TNFSF4: variants seen among roughly 807,000 people sequenced by gnomAD.
TNFSF4 encodes the protein tumor necrosis factor ligand superfamily member 4.
In TNFSF4, 4 loss-of-function variants were observed where a neutral mutation model predicts 7.3. The ratio of observed to expected loss-of-function variants is 0.55; its 90% CI spans 0.27 to 1.25. The LOEUF is 1.25. Among genes scored for constraint, TNFSF4 ranks in the 50% most tolerant of loss-of-function variants. TNFSF4 has a pLI of 0.12. For missense variants in TNFSF4, 181 were observed against 208.8 expected (o/e 0.87, Z 0.82); for synonymous variants, 76 against 83.7 (o/e 0.91, Z 0.50).
chr1:173,370,261 G>C, the TNFSF4 span, among the ~76,000 whole-genome samples: 3 of 152,316 alleles, frequency 2.0e-5, no homozygotes, highest in African/African-American at 2.4e-5. Flanking sequence ...TTAATGAAAA[G>C]AATGCGGCTT....
the TNFSF4 span, among the ~76,000 whole-genome samples, chr1:173,274,728 A>C: frequency 6.6e-6 from 1 of 152,152 alleles, no homozygotes; most frequent in African/African-American, 2.4e-5. Flanking sequence ...TTAATACAGT[A>C]AGAATTCACT....
Position 173,185,621 on chromosome 1 carries a change from T to G in TNFSF4, c.*895A>C, listed in dbSNP as rs1557876744. ...AGGCAGGAGGATGAGCATGTGTTGC[T>G]TTGCCTGTCTGTGGCAAAGAATGTG... On this transcript the variant is annotated 3_prime_UTR_variant, in exon 3 of 3. Coordinates refer to ENST00000281834, the MANE Select transcript of TNFSF4 (RefSeq NM_003326.5). 1 of 152,240 alleles carries G rather than the reference T, an allele frequency of 6.6e-6. No individual in the cohort carries two copies. The highest frequency in any genetic ancestry group is 2.4e-5 in the African/African-American group (1 of 41,468). 9.4% of individuals were successfully genotyped at this position (152,240 alleles called of 1,614,324 possible). A position where few individuals can be genotyped will look rare whatever the true frequency, so the allele number is the denominator to read the frequency against.
At chr1:173,358,112 T>C in the TNFSF4 span, among the ~76,000 whole-genome samples, 2 of 151,930 alleles carry the variant, frequency 1.3e-5, no homozygotes, top group East Asian at 3.9e-4. Context: ...CAGAGAAAAG[T>C]AGGAGAGTCA....
At chr1:173,342,505 G>C in the TNFSF4 span, among the ~76,000 whole-genome samples, 1 of 150,068 alleles carries the variant, frequency 6.7e-6, no homozygotes, top group African/African-American at 2.5e-5. Context: ...CAACACGAAT[G>C]ATGCATTATG....
At chr1:173,377,755 G>A in the TNFSF4 span, among the ~76,000 whole-genome samples, 5 of 152,154 alleles carry the variant, frequency 3.3e-5, no homozygotes, top group Non-Finnish European at 7.3e-5. Flanking sequence ...GCCCTGCCAG[G>A]GTGGGGCACT....
the TNFSF4 span, among the ~76,000 whole-genome samples, chr1:173,442,615 T>A: frequency 7.3e-6 from 1 of 136,912 alleles, no homozygotes; most frequent in African/African-American, 2.7e-5. Context: ...AGTGATGCAA[T>A]CTCAACTCAC....
the TNFSF4 span, among the ~76,000 whole-genome samples, chr1:173,291,178 C>T: frequency 1.3e-5 from 2 of 152,106 alleles, no homozygotes; most frequent in Admixed American, 6.6e-5. Flanking sequence ...AAAACAGGAG[C>T]GAGCACCTTA....
chr1:173,188,227 T>C (rs1301772201), intron 2 of TNFSF4, among the ~76,000 whole-genome samples: 2 of 152,184 alleles, frequency 1.3e-5, no homozygotes, highest in Non-Finnish European at 2.9e-5. Flanking sequence ...TTTCCCTAAC[T>C]AAGAAATGGA....
At chr1:173,379,802 G>A in the TNFSF4 span, among the ~76,000 whole-genome samples, 1 of 152,166 alleles carries the variant, frequency 6.6e-6, no homozygotes. Flanking sequence ...TATCAGTGTG[G>A]TTTACAAGGA....
At chr1:173,401,887 CTA>C in the TNFSF4 span, among the ~76,000 whole-genome samples, 1 of 152,164 alleles carries the variant, frequency 6.6e-6, no homozygotes, top group Admixed American at 6.5e-5. Context: ...TGCTAATGTC[CTA>C]TCTTATATGG....
the TNFSF4 span, among the ~76,000 whole-genome samples, chr1:173,249,744 ACTTAGTATTAAATCTGCCTAAAGC>A: frequency 2.6e-5 from 4 of 152,222 alleles, no homozygotes; most frequent in African/African-American, 9.7e-5. Context: ...CAGTACCAAC[ACTTAGTATTAAATCTGCCTAAAGC>A]CTTAGTAAAA....
At chr1:173,372,859 AGGAGGAT>A in the TNFSF4 span, among the ~76,000 whole-genome samples, 2 of 152,180 alleles carry the variant, frequency 1.3e-5, no homozygotes, top group Non-Finnish European at 2.9e-5. Context: ...TATGCCACCC[AGGAGGAT>A]CTCTTAGAAG....
At chr1:173,214,006 A>G in the TNFSF4 span, among the ~76,000 whole-genome samples, 2 of 152,310 alleles carry the variant, frequency 1.3e-5, no homozygotes, top group Non-Finnish European at 2.9e-5. Flanking sequence ...GCCATCAACA[A>G]CAAAGGACTA....
chr1:173,305,262 T>C, the TNFSF4 span, among the ~76,000 whole-genome samples: 1 of 151,972 alleles, frequency 6.6e-6, no homozygotes, highest in Non-Finnish European at 1.5e-5. Context: ...TCCCATAAAT[T>C]ATAAGAACAC....
At chr1:173,406,325 T>C in the TNFSF4 span, among the ~76,000 whole-genome samples, 1 of 152,214 alleles carries the variant, frequency 6.6e-6, no homozygotes, top group African/African-American at 2.4e-5. Flanking sequence ...ACTCTATTCT[T>C]GTCTGCCATA....
the TNFSF4 span, among the ~76,000 whole-genome samples, chr1:173,445,766 G>A: frequency 6.6e-6 from 1 of 152,112 alleles, no homozygotes; most frequent in East Asian, 1.9e-4. Context: ...TGACTATGGG[G>A]AGTCCCGGAG....
At chr1:173,207,432 CTTT>C, upstream of TNFSF4, 2 of 293,268 alleles carry the variant, frequency 6.8e-6, no homozygotes, top group Non-Finnish European at 1.3e-5. Context: ...TACTTTCTTT[CTTT>C]TTTTTTTTCC....
the TNFSF4 span, among the ~76,000 whole-genome samples, chr1:173,343,238 G>T: frequency 3.9e-5 from 6 of 152,164 alleles, no homozygotes; most frequent in African/African-American, 1.4e-4. Flanking sequence ...GATGATATTT[G>T]CTAGGCAAAA....
chr1:173,297,687 G>A, the TNFSF4 span, among the ~76,000 whole-genome samples: 398 of 152,052 alleles, frequency 2.6e-3, 2 homozygotes, highest in African/African-American at 9.2e-3. Flanking sequence ...GCCCACACTG[G>A]TTTCTTGACC....
Sources: gnomAD v4.1 joint callset for allele counts (sites outside exome capture counted in the v4.1 genomes callset) on GRCh38, gnomAD v4.1.1 for gene constraint, MANE v1.5 for transcripts, NCBI Gene and HGNC (gene_info 2026-07-23, HGNC 2026-07-21) for gene names.